PLEKHA4: variants seen among roughly 807,000 people sequenced by gnomAD.
The protein encoded by PLEKHA4 is pleckstrin homology domain-containing family A member 4.
In PLEKHA4, 73 loss-of-function variants were observed where a neutral mutation model predicts 94.7. The ratio of observed to expected loss-of-function variants is 0.77; its 90% CI spans 0.64 to 0.94. PLEKHA4 has a LOEUF of 0.94. Ranked by LOEUF, PLEKHA4 falls within the 40% of genes least tolerant of loss-of-function variation. The pLI, the probability that PLEKHA4 is intolerant of heterozygous loss-of-function variation, is 0.00. For synonymous variants in PLEKHA4, 449 were observed against 437.1 expected (o/e 1.03, Z -0.34); for missense variants, 1,049 against 1,054.1 (o/e 1.00, Z 0.07).
intron 6 of PLEKHA4, 112 bp downstream of exon 6, chr19:48,860,237 TA>T (rs1381720489): frequency 1.1e-6 from 1 of 874,420 alleles, no homozygotes; most frequent in East Asian, 2.5e-5. Flanking sequence ...GCGCCTTAGC[TA>T]GAAGACTGGT....
rs1273769904 is a variant in PLEKHA4, at chr19:48,856,191, G to A, written c.1047+1231C>T. Among the ~76,000 whole-genome samples the A allele has an allele frequency of 5.5e-5, 8 of 146,410 alleles. No individual in the cohort carries two copies. The Admixed American group carries it at 5.5e-4, about 10-fold the overall frequency. ...CTTCTCAAAAAAAAAAAAGAAAAAG[G>A]AAGGAAAGAAGGAAAGAAAGAAAGA... is the stretch of plus-strand genomic sequence containing the variant. On this transcript the variant is annotated intron_variant, in intron 9 of 19. Coordinates refer to ENST00000263265, the MANE Select transcript of PLEKHA4 (RefSeq NM_020904.3).
Position 48,837,551 on chromosome 19 carries a change from C to A in PLEKHA4, c.2078G>T (p.Gly693Val). The A allele has an allele frequency of 2.5e-6, 4 of 1,613,392 alleles. No individual in the cohort carries two copies. The highest frequency in any genetic ancestry group is 2.5e-6 in the Non-Finnish European group (3 of 1,179,798). The change falls in exon 20 of 20, where the codon GGT becomes GTT. Residue 693 changes from glycine to valine, a missense_variant and splice_region_variant. Transcript: ENST00000263265. This position sits in a 1 kb window ranked among gnomAD's most constrained non-coding sequence, Gnocchi z 4.3. Reference protein sequence around the residue: ...EASQWHRMMTGGNLDSQGDPL... With the variant: ...EASQWHRMMTVGNLDSQGDPL... The stretch of plus-strand genomic sequence containing the variant: ...GTCTCCCTGGGAGTCCAAATTTCCA[C>A]CTGGAGAGGATGAGTGGGACATGAG...
At position 48,859,127 on chromosome 19, in the gene PLEKHA4, G is replaced by T; in HGVS notation, c.705C>A (p.Pro235=). The part of the protein sequence containing the change: ...RRARSPDLFT[P]LSRPPSPLSL... ...TCAGAGGCGAGGGAGGGCGAGAGAGGGGGGTGAACAGGCTGTGGGAAGGAG... is the reference window on the plus strand; with the variant it reads ...TCAGAGGCGAGGGAGGGCGAGAGAGTGGGGTGAACAGGCTGTGGGAAGGAG... Residue 235 remains proline (P), a synonymous_variant, in exon 8 of 20, where the codon CCC becomes CCA. Coordinates refer to ENST00000263265, the MANE Select transcript of PLEKHA4 (RefSeq NM_020904.3). 3 of 1,519,688 alleles carry T rather than the reference G, an allele frequency of 2.0e-6. No individual in the cohort carries two copies. The highest frequency in any genetic ancestry group is 2.5e-5 in the East Asian group (1 of 40,654). The allele number at this position is 1,519,688 out of a possible 1,614,324, so 94.1% of individuals were successfully genotyped here.
chr19:48,858,719 C>G (rs376906970), intron 8 of PLEKHA4, 141 bp downstream of exon 8: 1 of 921,326 alleles, frequency 1.1e-6, no homozygotes, highest in Non-Finnish European at 1.7e-6. Context: ...GGTTCAAGCT[C>G]TCTCTCACCT....
chr19:48,854,485 C>T (rs2036328529), intron 9 of PLEKHA4, among the ~76,000 whole-genome samples: 1 of 152,102 alleles, frequency 6.6e-6, no homozygotes, highest in Non-Finnish European at 1.5e-5. Context: ...CCTCCCACTT[C>T]AGTCTCCTGA....
rs375680300 is a variant in PLEKHA4, at chr19:48,845,562, C to G, written c.1621G>C (p.Gly541Arg). 3.1e-6 allele frequency: 5 copies of G among 1,610,856 alleles called. No homozygotes were observed. Among genetic ancestry groups the G allele is most frequent in the Non-Finnish European group, 4.2e-6 (5 of 1,178,068 alleles). ...SSPRSPETDW[G>R]RPPGGDKDLA... ...TCTTTGTCGCCTCCAGGAGGCCGCC[C>G]CCAGTCAGTCTCGGGGGACCTAGGG... Residue 541 changes from glycine (G) to arginine (R), a missense_variant, in exon 15 of 20, where the codon GGG becomes CGG. Transcript: ENST00000263265.
chr19:48,848,036 C>T lies in PLEKHA4; in HGVS notation c.1430G>A (p.Arg477Lys). ...CCACAGCTGCTGCTGAGCAGACACT[C>T]TGTCCTGCAGGGAGGAAAGGAATTT... ...YLLHLGSPQD[R>K]VSAQQQLWMV... is the part of the protein sequence containing the mutation. The change falls in exon 14 of 20, where the codon AGA becomes AAA. Residue 477 changes from arginine (R) to lysine (K), a missense_variant. Coordinates refer to ENST00000263265, the MANE Select transcript of PLEKHA4 (RefSeq NM_020904.3). 1 of 1,613,588 alleles carries T rather than the reference C, an allele frequency of 6.2e-7. No homozygotes were observed. The highest frequency in any genetic ancestry group is 8.5e-7 in the Non-Finnish European group (1 of 1,179,974).
At position 48,838,045 on chromosome 19, in the gene PLEKHA4, C is replaced by T. The variant is rs547665388; in HGVS notation, c.2049G>A (p.Glu683=). 28 of 1,613,788 alleles carry T rather than the reference C, an allele frequency of 1.7e-5. No homozygotes were observed. The highest frequency in any genetic ancestry group is 1.7e-4 in the Middle Eastern group (1 of 6,050). Residue 683 remains glutamate (E), a synonymous_variant, in exon 19 of 20, where the codon GAG becomes GAA. Coordinates refer to ENST00000263265, the MANE Select transcript of PLEKHA4 (RefSeq NM_020904.3). The part of the protein sequence containing the change: ...VLSLSQALAT[E]ASQWHRMMTG... Reference sequence around the variant, plus strand: ...TCATCATTCTGTGCCACTGCGACGCCTCAGTAGCCAGGGCTTGGGAGAGGC... The same window carrying T: ...TCATCATTCTGTGCCACTGCGACGCTTCAGTAGCCAGGGCTTGGGAGAGGC...
chr19:48,857,449 A>AG lies in PLEKHA4; in HGVS notation c.1019dup (p.Gly341TrpfsTer165), dbSNP rs1251082684. The AG allele has an allele frequency of 2.6e-6, 4 of 1,558,162 alleles. No homozygotes were observed. The highest frequency in any genetic ancestry group is 4.2e-5 in the Admixed American group (2 of 47,768). ...ATAAAACCATGGAGGCCCGGGTCCC[A>AG]GGGGGCCGCGGGGGGAGCTGGAGAT... On this transcript the variant is annotated frameshift_variant, in exon 9 of 20. Transcript: ENST00000263265. LOFTEE classifies it high-confidence loss of function.
rs1422374359 is a variant in PLEKHA4 at position 48,845,454 on chromosome 19, G to A, written c.1667-8C>T. The A allele has an allele frequency of 3.1e-6, 5 of 1,614,030 alleles. No individual in the cohort carries two copies. Among genetic ancestry groups the A allele is most frequent in the Non-Finnish European group, 4.2e-6 (5 of 1,179,990 alleles). ...CCCTCGGAGACCCAAGACCTGGAAA[G>A]ACAGAACGGGACTTGGTGAGGACGG... is the stretch of plus-strand genomic sequence containing the variant. On this transcript the variant is annotated splice_polypyrimidine_tract_variant and splice_region_variant and intron_variant, in intron 15 of 19. Coordinates refer to ENST00000263265, the MANE Select transcript of PLEKHA4 (RefSeq NM_020904.3).
At chr19:48,849,223 A>G (rs546214170) in intron 13 of PLEKHA4, among the ~76,000 whole-genome samples, 1 of 151,810 alleles carries the variant, frequency 6.6e-6, no homozygotes, top group South Asian at 2.1e-4. Flanking sequence ...GTTCTTGCCA[A>G]GTCTGGATTG....
intron 9 of PLEKHA4, among the ~76,000 whole-genome samples, chr19:48,857,186 T>C (rs1214082286): frequency 1.3e-5 from 2 of 152,084 alleles, no homozygotes; most frequent in African/African-American, 4.8e-5. Flanking sequence ...AGTGGAAGTA[T>C]AGCCCTGCCA....
In PLEKHA4 at chr19:48,860,441, T is replaced by C. The variant is rs774664616; in HGVS notation, c.385A>G (p.Arg129Gly). 1 of 1,614,066 alleles carries C rather than the reference T, an allele frequency of 6.2e-7. No individual in the cohort carries two copies. Among genetic ancestry groups the C allele is most frequent in the Non-Finnish European group, 8.5e-7 (1 of 1,179,976 alleles). Residue 129 changes from arginine (R) to glycine (G), a missense_variant, in exon 6 of 20, where the codon AGG becomes GGG. By Grantham distance (125) the Arg-to-Gly change is moderately radical (BLOSUM62 -2). Coordinates refer to ENST00000263265, the MANE Select transcript of PLEKHA4 (RefSeq NM_020904.3). Reference protein sequence around the residue: ...FTFTAEHPGMRTYVLAADTLE... With the variant: ...FTFTAEHPGMGTYVLAADTLE... ...GTGTCAGCGGCCAAAACGTAGGTCC[T>C]CATGCCCGGGTGCTCTGCCTGCGGG...
intron 11 of PLEKHA4, 64 bp from the exon 12 acceptor site, chr19:48,853,895 G>A (rs993346249): frequency 1.3e-6 from 2 of 1,589,578 alleles, no homozygotes; most frequent in African/African-American, 2.7e-5. Flanking sequence ...AGAAAGAAAA[G>A]ATGTCCTTTC....
intron 16 of PLEKHA4, among the ~76,000 whole-genome samples, chr19:48,844,981 A>AT: frequency 6.6e-6 from 1 of 151,612 alleles, no homozygotes; most frequent in African/African-American, 2.4e-5. Context: ...CGCCTGGCTA[A>AT]TTTTTGTACT....
At chr19:48,858,714 A>T in intron 8 of PLEKHA4, 146 bp downstream of exon 8, 1 of 885,690 alleles carries the variant, frequency 1.1e-6, no homozygotes, top group South Asian at 1.5e-5. Flanking sequence ...TGATAGGTTC[A>T]AGCTCTCTCT....
In PLEKHA4 at chr19:48,858,864, G is replaced by C. The variant is rs1380250356; in HGVS notation, c.968C>G (p.Thr323Arg). 1.9e-6 allele frequency: 3 copies of C among 1,613,272 alleles called. No homozygotes were observed. The highest frequency in any genetic ancestry group is 2.5e-6 in the Non-Finnish European group (3 of 1,179,762). The change falls in exon 8 of 20, where the codon ACA becomes AGA. Residue 323 changes from threonine to arginine, a missense_variant. Coordinates refer to ENST00000263265, the MANE Select transcript of PLEKHA4 (RefSeq NM_020904.3). The stretch of plus-strand genomic sequence containing the variant: ...CCTTCTCACCTCTCTGCTCACCTGT[G>C]TTCTGGGCTCCTGACTCCAGTGCTG... ...SPQHWSQEPR[T>R]QAHSGSPTYL...
chr19:48,864,501 G>C (rs567364423), intron 3 of PLEKHA4, among the ~76,000 whole-genome samples: 94 of 152,118 alleles, frequency 6.2e-4, no homozygotes, highest in African/African-American at 2.2e-3. Flanking sequence ...AATTTTCCCT[G>C]ACCAAATGTC....
At chr19:48,851,468 T>C (rs568386184) in intron 13 of PLEKHA4, among the ~76,000 whole-genome samples, 6 of 150,074 alleles carry the variant, frequency 4.0e-5, no homozygotes, top group African/African-American at 1.2e-4. Flanking sequence ...AATACAAAAT[T>C]AGCTGGGCGT....
Sources: allele counts gnomAD v4.1 joint callset (sites outside exome capture counted in the v4.1 genomes callset), GRCh38; gene constraint gnomAD v4.1.1; non-coding constraint Gnocchi (gnomAD v3.1); transcripts MANE v1.5; gene names NCBI Gene and HGNC (gene_info 2026-07-23, HGNC 2026-07-21).